Variants in SEMA6D observed in about 807,000 individuals in gnomAD.
The protein encoded by SEMA6D is semaphorin-6D.
A neutral mutation model predicts 106.6 loss-of-function variants in SEMA6D; 35 were observed. The observed-to-expected ratio is 0.33, with a 90% confidence interval of 0.25 to 0.44. The LOEUF (loss-of-function observed/expected upper bound fraction) is 0.44. Among genes scored for constraint, SEMA6D ranks in the 20% least tolerant of loss-of-function variants. SEMA6D has a pLI of 1.00. For synonymous variants in SEMA6D, 499 were observed against 487.7 expected (o/e 1.02, Z -0.31); for missense variants, 1,185 against 1,345.9 (o/e 0.88, Z 1.87).
chr15:47,227,438 T>TTTCTTTTTCTTTCTTTCTTTC (rs374904188), intron 1 of SEMA6D, among the ~76,000 whole-genome samples: 1 of 77,664 alleles, frequency 1.3e-5, no homozygotes. Context: ...TCTTTCTTTC[T>TTTCTTTTTCTTTCTTTCTTTC]TTTCTTTCTT....
intron 4 of SEMA6D, among the ~76,000 whole-genome samples, chr15:47,634,529 C>T (rs2077347295): frequency 6.6e-6 from 1 of 152,170 alleles, no homozygotes; most frequent in Admixed American, 6.5e-5. Context: ...CAGAGCACCT[C>T]ATTCCACCTC....
rs973529185 is a variant in SEMA6D, at chr15:47,762,541, C to CA, written c.658+232dup. On this transcript the variant is annotated intron_variant, in intron 8 of 18. Coordinates refer to ENST00000536845, the MANE Select transcript of SEMA6D (RefSeq NM_001358351.3). Reference sequence around the variant, plus strand: ...TCCAGGTGTTTATCCTAGGTGACCTCAAAAAAAAAAGGGGAGATTTCATCT... The same window carrying CA: ...TCCAGGTGTTTATCCTAGGTGACCTCAAAAAAAAAAAGGGGAGATTTCATCT... Among the ~76,000 whole-genome samples, 1,391 of 144,178 alleles carry CA rather than the reference C, an allele frequency of 9.6e-3. 19 individuals carry two copies. Among genetic ancestry groups the CA allele is most frequent in the African/African-American group, 0.033 (1,285 of 39,446 alleles). The allele number at this position is 144,178 out of a possible 152,430, so 94.6% of individuals were successfully genotyped here.
chr15:47,648,969 A>G (rs2077633171), intron 4 of SEMA6D, among the ~76,000 whole-genome samples: 1 of 152,240 alleles, frequency 6.6e-6, no homozygotes, highest in African/African-American at 2.4e-5. Context: ...CCAACTGAAT[A>G]TGTAGTACAT....
chr15:47,482,803 G>T (rs1319760813), intron 3 of SEMA6D, among the ~76,000 whole-genome samples: 6 of 152,048 alleles, frequency 3.9e-5, no homozygotes, highest in Non-Finnish European at 8.8e-5. Context: ...TAATCCATTA[G>T]ATCTATGTTA....
At chr15:47,498,214 A>T (rs1471752222) in intron 3 of SEMA6D, among the ~76,000 whole-genome samples, 1 of 152,132 alleles carries the variant, frequency 6.6e-6, no homozygotes, top group African/African-American at 2.4e-5. Context: ...TGACCTGATT[A>T]TAACCTGGAT....
intron 1 of SEMA6D, among the ~76,000 whole-genome samples, chr15:47,318,962 A>C (rs2036810708): frequency 6.6e-6 from 1 of 152,140 alleles, no homozygotes; most frequent in Non-Finnish European, 1.5e-5. Context: ...TTGCCATTCT[A>C]ACTGGTGTGA....
intron 1 of SEMA6D, among the ~76,000 whole-genome samples, chr15:47,742,410 G>C (rs1002249778): frequency 6.6e-6 from 1 of 152,126 alleles, no homozygotes; most frequent in Non-Finnish European, 1.5e-5. Context: ...GCACGGGAGG[G>C]ATCCCTCCTG....
At chr15:47,656,342 G>A (rs974147676) in intron 4 of SEMA6D, among the ~76,000 whole-genome samples, 13 of 152,184 alleles carry the variant, frequency 8.5e-5, no homozygotes, top group Admixed American at 5.2e-4. Flanking sequence ...ATTTGCTAAT[G>A]CTGTGTTTGT....
chr15:47,713,878 T>G (rs2079064081), upstream of SEMA6D, among the ~76,000 whole-genome samples: 1 of 152,214 alleles, frequency 6.6e-6, no homozygotes, highest in African/African-American at 2.4e-5. Context: ...TCACATTTAA[T>G]GTGAGGTTGG....
At chr15:47,474,016 C>G (rs1490922161) in intron 3 of SEMA6D, among the ~76,000 whole-genome samples, 1 of 152,134 alleles carries the variant, frequency 6.6e-6, no homozygotes, top group African/African-American at 2.4e-5. Context: ...GAAGGCTGTC[C>G]ACAGGCTTTC....
rs527687256 is a variant in SEMA6D at position 47,547,294 on chromosome 15, G to A, written c.-86-53571G>A. Among the ~76,000 whole-genome samples, 11 of 152,054 alleles carry A rather than the reference G, an allele frequency of 7.2e-5. No individual in the cohort carries two copies. The East Asian group carries it at 1.4e-3, about 19-fold the overall frequency. On this transcript the variant is annotated intron_variant, in intron 3 of 19. Transcript: ENST00000558014. ...CCACATAAGCACCTGATATTTTCCCGGAAACGGTAGCAACACCACCATCAC... is the reference window on the plus strand; with the variant it reads ...CCACATAAGCACCTGATATTTTCCCAGAAACGGTAGCAACACCACCATCAC...
intron 1 of SEMA6D, among the ~76,000 whole-genome samples, chr15:47,238,023 G>A (rs2032665046): frequency 6.6e-6 from 1 of 152,038 alleles, no homozygotes; most frequent in Non-Finnish European, 1.5e-5. Flanking sequence ...CTTGTCAAGT[G>A]CGCATTTATT....
intron 2 of SEMA6D, among the ~76,000 whole-genome samples, chr15:47,442,360 C>T (rs775557859): frequency 2.6e-5 from 4 of 152,062 alleles, no homozygotes; most frequent in Non-Finnish European, 4.4e-5. Context: ...AAAGGGGAGA[C>T]TTGGCTGCCT....
chr15:47,451,108 G>C (rs952619664), intron 2 of SEMA6D, among the ~76,000 whole-genome samples: 1 of 152,086 alleles, frequency 6.6e-6, no homozygotes, highest in Non-Finnish European at 1.5e-5. Flanking sequence ...TGATGCAGAG[G>C]CTTTCCTGAT....
At chr15:47,582,544 G>A (rs1469044858) in intron 3 of SEMA6D, among the ~76,000 whole-genome samples, 1 of 152,164 alleles carries the variant, frequency 6.6e-6, no homozygotes, top group African/African-American at 2.4e-5. Context: ...TGAAGAGGCT[G>A]CTGGGTGTCT....
intron 4 of SEMA6D, among the ~76,000 whole-genome samples, chr15:47,609,549 G>T (rs568085259): frequency 1.8e-4 from 27 of 152,248 alleles, no homozygotes; most frequent in African/African-American, 6.5e-4. Context: ...GTACATATAC[G>T]CAGGTCTTAA....
chr15:47,348,727 C>CCACACACACAG (rs1555425939), intron 1 of SEMA6D, among the ~76,000 whole-genome samples: 2 of 57,054 alleles, frequency 3.5e-5, no homozygotes, highest in African/African-American at 9.9e-5. Flanking sequence ...ACCACACACA[C>CCACACACACAG]AGAGAGAGAG....
chr15:47,247,365 A>T (rs1022461070), intron 1 of SEMA6D, among the ~76,000 whole-genome samples: 1 of 152,204 alleles, frequency 6.6e-6, no homozygotes, highest in African/African-American at 2.4e-5. Flanking sequence ...CTAGAAAAAG[A>T]AAGCAAAAAA....
chr15:47,593,730 T>A (rs2076484612), intron 3 of SEMA6D, among the ~76,000 whole-genome samples: 1 of 152,182 alleles, frequency 6.6e-6, no homozygotes, highest in African/African-American at 2.4e-5. Flanking sequence ...AGCATCATGC[T>A]GACATCTGTT....
Sources: gnomAD v4.1 joint callset for allele counts (sites outside exome capture counted in the v4.1 genomes callset) on GRCh38, gnomAD v4.1.1 for gene constraint, MANE v1.5 for transcripts, NCBI Gene and HGNC (gene_info 2026-07-23, HGNC 2026-07-21) for gene names.